The following PTPRE variants were observed in gnomAD, a reference collection of about 807,000 sequenced individuals.
The protein encoded by PTPRE is protein tyrosine phosphatase receptor type E, also known as receptor-type tyrosine-protein phosphatase epsilon.
PTPRE carries 51 observed loss-of-function variants against 102.0 expected under a neutral mutation model. The observed-to-expected ratio is 0.50, with a 90% CI of 0.40 to 0.63. The LOEUF is 0.63. PTPRE is among the 30% of genes least tolerant of loss of function. The pLI, the probability that PTPRE is intolerant of heterozygous loss-of-function variation, is 0.00. For synonymous variants in PTPRE, 345 were observed against 348.2 expected (o/e 0.99, Z 0.10); for missense variants, 752 against 915.1 (o/e 0.82, Z 2.30).
rs1850694302 is a variant in PTPRE at position 128,070,750 on chromosome 10, C to A, written c.1294-58C>A. On this transcript the variant is annotated intron_variant, in intron 14 of 20. Transcript: ENST00000254667. This position sits in a 1 kb window ranked among gnomAD's most constrained non-coding sequence, Gnocchi z 4.8. The stretch of plus-strand genomic sequence containing the variant: ...CCAGCAGCACTAGTCCTCGGCTGAG[C>A]AATGTGCTCAGGAGTGTCAGAGGTT... 1 of 1,547,926 alleles carries A rather than the reference C, an allele frequency of 6.5e-7. No individual in the cohort carries two copies. The highest frequency in any genetic ancestry group is 8.9e-7 in the Non-Finnish European group (1 of 1,124,498).
rs1844659698 is a variant in PTPRE at position 128,008,184 on chromosome 10, A to G, written c.-8+25888A>G. Reference sequence around the variant, plus strand: ...ACTGCCCAAGGGAAACAGTGCATCCACCATCTCTGTCTGCAGCCCCGCTGG... The same window carrying G: ...ACTGCCCAAGGGAAACAGTGCATCCGCCATCTCTGTCTGCAGCCCCGCTGG... On this transcript the variant is annotated intron_variant, in intron 2 of 20. Coordinates refer to ENST00000254667, the MANE Select transcript of PTPRE (RefSeq NM_006504.6). This position sits in a 1 kb window ranked among gnomAD's most constrained non-coding sequence, Gnocchi z 4.0. 6.6e-6 allele frequency among the ~76,000 whole-genome samples: 1 copy of G among 152,102 alleles called. No individual in the cohort carries two copies. The highest frequency in any genetic ancestry group is 6.5e-5 in the Admixed American group (1 of 15,274).
At chr10:128,005,116 T>G (rs1021019388) in intron 2 of PTPRE, among the ~76,000 whole-genome samples, 2 of 152,254 alleles carry the variant, frequency 1.3e-5, no homozygotes, top group Non-Finnish European at 2.9e-5. Context: ...GTAAGAGTAC[T>G]TTATGCATTC....
intron 1 of PTPRE, among the ~76,000 whole-genome samples, chr10:127,951,110 A>G (rs1357611387): frequency 6.6e-6 from 1 of 152,046 alleles, no homozygotes; most frequent in Non-Finnish European, 1.5e-5. Context: ...AATAAAGTGA[A>G]ATAGATAGGA....
rs537728082 is a variant in PTPRE at position 127,936,765 on chromosome 10, C to T, written c.-31+29456C>T. Among the ~76,000 whole-genome samples the T allele has an allele frequency of 5.6e-3, 847 of 152,238 alleles. 5 individuals carry two copies. Among genetic ancestry groups the T allele is most frequent in the Non-Finnish European group, 9.1e-3 (616 of 68,014 alleles). ...TAACTCTATTGGAGAGGCTGAAACC[C>T]GGGGCTCGTGGATGTTGTGACCCAC... On this transcript the variant is annotated intron_variant, in intron 1 of 20. Coordinates refer to ENST00000254667, the MANE Select transcript of PTPRE (RefSeq NM_006504.6).
At chr10:128,069,007 G>A (rs1340664699) in intron 12 of PTPRE, 1 of 152,372 alleles carries the variant, frequency 6.6e-6, no homozygotes, top group Non-Finnish European at 1.5e-5. Context: ...GGTTCATTCT[G>A]AGTATCACAG....
chr10:127,946,755 A>G (rs1848649089), intron 1 of PTPRE, among the ~76,000 whole-genome samples: 1 of 152,202 alleles, frequency 6.6e-6, no homozygotes. Flanking sequence ...AAGGAATCAC[A>G]GGACACGGCA....
Position 127,989,341 on chromosome 10 carries a change from C to A in PTPRE, c.-8+7045C>A, listed in dbSNP as rs986105593. Among the ~76,000 whole-genome samples the A allele has an allele frequency of 2.7e-5, 4 of 150,504 alleles. No individual in the cohort carries two copies. In the East Asian group the frequency reaches 5.8e-4, roughly 22 times the overall value. On this transcript the variant is annotated intron_variant, in intron 2 of 20. Coordinates refer to ENST00000254667, the MANE Select transcript of PTPRE (RefSeq NM_006504.6). ...CCTGTTTTTCCAGATAACTTACATG[C>A]CTTATGCTTAAACAAAAATTGCATT... is the stretch of plus-strand genomic sequence containing the variant.
At chr10:127,968,850 TG>T (rs1850469906) in intron 1 of PTPRE, among the ~76,000 whole-genome samples, 1 of 152,234 alleles carries the variant, frequency 6.6e-6, no homozygotes, top group Non-Finnish European at 1.5e-5. Flanking sequence ...AAGAAGTGAT[TG>T]TGATTGTGCG....
intron 11 of PTPRE, among the ~76,000 whole-genome samples, chr10:128,067,522 ATGCACACATACACATGCATACATG>A (rs1161925494): frequency 6.6e-6 from 1 of 152,102 alleles, no homozygotes; most frequent in African/African-American, 2.4e-5. Flanking sequence ...ATGCGCACAC[ATGCACACATACACATGCATACATG>A]TGCACACACA....
intron 3 of PTPRE, among the ~76,000 whole-genome samples, chr10:128,041,823 G>C (rs1304377134): frequency 2.6e-5 from 4 of 152,082 alleles, no homozygotes; most frequent in Admixed American, 2.0e-4. Context: ...AGAGGGAAGT[G>C]GGGGTGGGGG....
At chr10:128,020,059 T>TGTGTGTGTGTGTGTGCGTGCGCGCGCAC (rs1209918067) in intron 2 of PTPRE, among the ~76,000 whole-genome samples, 5 of 19,084 alleles carry the variant, frequency 2.6e-4, no homozygotes, top group African/African-American at 1.0e-3. Flanking sequence ...CGCGCGCACG[T>TGTGTGTGTGTGTGTGCGTGCGCGCGCAC]GTGTGTGTGT....
intron 1 of PTPRE, among the ~76,000 whole-genome samples, chr10:127,980,962 T>A (rs1851561839): frequency 6.6e-6 from 1 of 152,222 alleles, no homozygotes; most frequent in Admixed American, 6.5e-5. Context: ...CAGTGACGAC[T>A]GAGCAAGGTC....
chr10:127,985,378 T>C (rs1851998671), intron 2 of PTPRE, among the ~76,000 whole-genome samples: 1 of 151,980 alleles, frequency 6.6e-6, no homozygotes, highest in African/African-American at 2.4e-5. Context: ...AGATCAGGAG[T>C]TCAAGACCAG....
intron 2 of PTPRE, among the ~76,000 whole-genome samples, chr10:128,033,322 C>T (rs141640467): frequency 1.2e-3 from 179 of 152,340 alleles, no homozygotes; most frequent in Non-Finnish European, 1.9e-3. Context: ...AAGAATTTCA[C>T]GAACCATCAG....
chr10:128,074,830 G>A (rs1051741785), intron 17 of PTPRE, among the ~76,000 whole-genome samples: 15 of 152,154 alleles, frequency 9.9e-5, no homozygotes, highest in Middle Eastern at 3.4e-3. Context: ...CATTTTTGAG[G>A]ACCTGCCAGA....
At chr10:127,960,824 C>G (rs142338248) in intron 1 of PTPRE, among the ~76,000 whole-genome samples, 1 of 152,042 alleles carries the variant, frequency 6.6e-6, no homozygotes, top group South Asian at 2.1e-4. Context: ...GAGATCAAGA[C>G]CATCCTAACA....
At chr10:128,027,057 T>C (rs6482644) in intron 2 of PTPRE, among the ~76,000 whole-genome samples, 52,581 of 151,964 alleles carry the variant, frequency 0.35, 9,304 homozygotes, top group South Asian at 0.39. Flanking sequence ...GCAGAGAGGG[T>C]CAACCCACAG....
intron 1 of PTPRE, among the ~76,000 whole-genome samples, chr10:127,916,332 C>G (rs1390643859): frequency 6.6e-6 from 1 of 152,158 alleles, no homozygotes; most frequent in African/African-American, 2.4e-5. Context: ...ATAAGGGGCT[C>G]TTCCCCCTTC....
chr10:127,979,840 C>A (rs1173923584), intron 1 of PTPRE, among the ~76,000 whole-genome samples: 2 of 152,208 alleles, frequency 1.3e-5, no homozygotes, highest in Non-Finnish European at 2.9e-5. Flanking sequence ...CCACTGTCTG[C>A]AGCCCTGCTC....
Sources: gnomAD v4.1 joint callset for allele counts (sites outside exome capture counted in the v4.1 genomes callset) on GRCh38, gnomAD v4.1.1 for gene constraint, Gnocchi (gnomAD v3.1) non-coding constraint, MANE v1.5 for transcripts, NCBI Gene and HGNC (gene_info 2026-07-23, HGNC 2026-07-21) for gene names.